Variants in CELF4 observed in about 807,000 individuals in gnomAD.
CELF4 encodes the protein CUGBP Elav-like family member 4.
A neutral mutation model predicts 59.9 loss-of-function variants in CELF4; 18 were observed. That is an observed-to-expected ratio of 0.30 (90% CI 0.21 to 0.45). The LOEUF is 0.45. CELF4 is among the 20% of genes least tolerant of loss of function. The pLI is 1.00. For missense variants in CELF4, 456 were observed against 689.0 expected (o/e 0.66, Z 3.79); for synonymous variants, 261 against 267.1 (o/e 0.98, Z 0.22).
rs1238561068 is a variant in CELF4, at chr18:37,286,487, G to A, written c.449-11244C>T. ...AGGGTGAGTGGGCATGGGCCTCCTC[G>A]GTGCCTCCCGCCATCGCCAGAGACA... On this transcript the variant is annotated intron_variant, in intron 3 of 12. Coordinates refer to ENST00000420428, the MANE Select transcript of CELF4 (RefSeq NM_020180.4). 2.6e-5 allele frequency among the ~76,000 whole-genome samples: 4 copies of A among 152,230 alleles called. No homozygotes were observed. The East Asian group carries it at 5.8e-4, about 22-fold the overall frequency.
intron 11 of CELF4, among the ~76,000 whole-genome samples, chr18:37,257,032 T>A (rs1016670800): frequency 2.0e-5 from 3 of 151,888 alleles, no homozygotes; most frequent in African/African-American, 7.3e-5. Context: ...ATGCTCGACA[T>A]CAGAAATTTG....
chr18:37,507,079 T>A (rs1374713089), intron 1 of CELF4, among the ~76,000 whole-genome samples: 1 of 152,116 alleles, frequency 6.6e-6, no homozygotes, highest in African/African-American at 2.4e-5. Flanking sequence ...GACCCAGGGC[T>A]CTCTCTCTGT....
At chr18:37,515,566 C>G (rs928375867) in intron 1 of CELF4, among the ~76,000 whole-genome samples, 1 of 152,158 alleles carries the variant, frequency 6.6e-6, no homozygotes, top group South Asian at 2.1e-4. Flanking sequence ...GCATCAAGAC[C>G]GTAACGCTGG....
intron 2 of CELF4, among the ~76,000 whole-genome samples, chr18:37,326,693 C>T (rs2097327705): frequency 6.6e-6 from 1 of 152,178 alleles, no homozygotes; most frequent in Non-Finnish European, 1.5e-5. Context: ...TGTGTTTCTA[C>T]TTCCAGCCGG....
Position 37,311,416 on chromosome 18 carries a change from T to TAGAAG in CELF4, c.448+10382_448+10386dup, listed in dbSNP as rs2096642322. On this transcript the variant is annotated intron_variant, in intron 3 of 12. Transcript: ENST00000420428. The stretch of plus-strand genomic sequence containing the variant: ...TGCTGTTTGGGTCCAGTTGTGTAAA[T>TAGAAG]AGAAGAGGCTTCCTAGCTTTTTAAA... 2.0e-5 allele frequency among the ~76,000 whole-genome samples: 3 copies of TAGAAG among 152,186 alleles called. No individual in the cohort carries two copies. In the South Asian group the frequency reaches 6.2e-4, roughly 32 times the overall value.
At chr18:37,455,127 A>G (rs1456268241) in intron 2 of CELF4, among the ~76,000 whole-genome samples, 1 of 152,190 alleles carries the variant, frequency 6.6e-6, no homozygotes, top group Non-Finnish European at 1.5e-5. Flanking sequence ...TGGATACGAG[A>G]GCCTTTTATT....
chr18:37,378,272 T>C (rs2154568137), intron 2 of CELF4, among the ~76,000 whole-genome samples: 1 of 152,144 alleles, frequency 6.6e-6, no homozygotes, highest in Non-Finnish European at 1.5e-5. Flanking sequence ...CCCTTGCTTG[T>C]TGCTTGGGTC....
chr18:37,357,709 G>A (rs931130279), intron 2 of CELF4, among the ~76,000 whole-genome samples: 1 of 152,216 alleles, frequency 6.6e-6, no homozygotes, highest in Non-Finnish European at 1.5e-5. Context: ...AGCTGGAAGG[G>A]AGGCTGTACC....
At chr18:37,439,733 C>T (rs762159335) in intron 2 of CELF4, among the ~76,000 whole-genome samples, 6 of 152,140 alleles carry the variant, frequency 3.9e-5, no homozygotes, top group Admixed American at 2.0e-4. Flanking sequence ...CCCCTCAGGC[C>T]GGTGTGGGAG....
intron 1 of CELF4, among the ~76,000 whole-genome samples, chr18:37,502,807 A>T (rs1041130856): frequency 3.8e-4 from 58 of 152,132 alleles, no homozygotes; most frequent in African/African-American, 1.4e-3. Flanking sequence ...CCTCGGTAAC[A>T]TCTCACCTCG....
At chr18:37,335,014 C>T (rs1227613428) in intron 2 of CELF4, among the ~76,000 whole-genome samples, 1 of 151,164 alleles carries the variant, frequency 6.6e-6, no homozygotes, top group Non-Finnish European at 1.5e-5. Context: ...CCCTCCCTCC[C>T]TCTGCTCCCC....
intron 2 of CELF4, among the ~76,000 whole-genome samples, chr18:37,380,391 T>C (rs536195861): frequency 2.5e-4 from 38 of 152,326 alleles, no homozygotes; most frequent in African/African-American, 9.1e-4. Flanking sequence ...CCCATTCTCA[T>C]GTCTTTGCCC....
At chr18:37,523,658 G>C (rs780496138) in intron 1 of CELF4, among the ~76,000 whole-genome samples, 1 of 152,206 alleles carries the variant, frequency 6.6e-6, no homozygotes, top group Non-Finnish European at 1.5e-5. Context: ...GTCTTGGGGA[G>C]GGCTTGAGAC....
In CELF4 at chr18:37,298,724, C is replaced by CAAA. The variant is rs5824047; in HGVS notation, c.448+23076_448+23078dup. On this transcript the variant is annotated intron_variant, in intron 3 of 12. Transcript: ENST00000420428. ...TGGGCGACGGAGTGAGACTCTATCTCAAAAAAAAAAAAAAAAAATCCAGTC... is the reference window on the plus strand; with the variant it reads ...TGGGCGACGGAGTGAGACTCTATCTCAAAAAAAAAAAAAAAAAAAAATCCAGTC... Among the ~76,000 whole-genome samples, 15 of 124,326 alleles carry CAAA rather than the reference C, an allele frequency of 1.2e-4. 1 individual carries two copies. Among genetic ancestry groups the CAAA allele is most frequent in the African/African-American group, 3.2e-4 (11 of 34,324 alleles). The allele number at this position is 124,326 out of a possible 152,430, so 81.6% of individuals were successfully genotyped here.
intron 1 of CELF4, among the ~76,000 whole-genome samples, chr18:37,489,351 G>A (rs1332162437): frequency 1.3e-5 from 2 of 152,244 alleles, no homozygotes; most frequent in Non-Finnish European, 2.9e-5. Context: ...TGGGGAGGGG[G>A]CTGCAGGAGG....
intron 2 of CELF4, among the ~76,000 whole-genome samples, chr18:37,444,523 C>A (rs1426059080): frequency 6.6e-6 from 1 of 151,910 alleles, no homozygotes. Flanking sequence ...TTCCCACTGC[C>A]CTGCTCTACC....
chr18:37,319,812 G>A (rs896637099), intron 3 of CELF4, among the ~76,000 whole-genome samples: 2 of 152,242 alleles, frequency 1.3e-5, no homozygotes, highest in Non-Finnish European at 2.9e-5. Flanking sequence ...CCTGGGCCTG[G>A]GCCTGGGCCA....
rs113335877 is a variant in CELF4 at position 37,335,077 on chromosome 18, C to A, written c.370-13196G>T. Among the ~76,000 whole-genome samples, 188 of 151,706 alleles carry A rather than the reference C, an allele frequency of 1.2e-3. 2 individuals carry two copies. Among genetic ancestry groups the A allele is most frequent in the African/African-American group, 4.2e-3 (175 of 41,296 alleles). On this transcript the variant is annotated intron_variant, in intron 2 of 12. Transcript: ENST00000420428. ...CGTTTTCTAACATGAGCCTGCACCGCCAGCTCGTCCAAGTCTCTTTTCCTG... is the reference window on the plus strand; with the variant it reads ...CGTTTTCTAACATGAGCCTGCACCGACAGCTCGTCCAAGTCTCTTTTCCTG...
At chr18:37,430,432 T>C (rs11665477) in intron 2 of CELF4, among the ~76,000 whole-genome samples, 7,433 of 152,258 alleles carry the variant, frequency 0.049, 327 homozygotes, top group East Asian at 0.14. Context: ...TGTAATAGCA[T>C]TGCAGTGGGC....
Sources: gnomAD v4.1 joint callset for allele counts (sites outside exome capture counted in the v4.1 genomes callset) on GRCh38, gnomAD v4.1.1 for gene constraint, MANE v1.5 for transcripts, NCBI Gene and HGNC (gene_info 2026-07-23, HGNC 2026-07-21) for gene names.